The following EPHA6 variants were observed in gnomAD, a reference collection of about 807,000 sequenced individuals.
The protein encoded by EPHA6 is ephrin type-A receptor 6.
In EPHA6, 50 loss-of-function variants were observed where a neutral mutation model predicts 112.0. The ratio of observed to expected loss-of-function variants is 0.45; its 90% confidence interval spans 0.36 to 0.56. The LOEUF (loss-of-function observed/expected upper bound fraction) is 0.56, where lower values mean the gene tolerates loss of function less well. Among genes scored for constraint, EPHA6 ranks in the 20% least tolerant of loss-of-function variants. The probability of loss-of-function intolerance (pLI) is 0.00; values close to 1 mark genes in which losing one functional copy is unlikely to be tolerated. For missense variants in EPHA6, 1,280 were observed against 1,417.4 expected (o/e 0.90, Z 1.56); for synonymous variants, 529 against 490.7 (o/e 1.08, Z -1.03).
chr3:97,041,162 T>C (rs1258635879), intron 3 of EPHA6, among the ~76,000 whole-genome samples: 7 of 152,162 alleles, frequency 4.6e-5, no homozygotes, highest in Non-Finnish European at 1.0e-4. Flanking sequence ...AATCAATTAT[T>C]CCAACTCTGT....
At chr3:97,500,009 C>T (rs1008062791) in intron 10 of EPHA6, among the ~76,000 whole-genome samples, 13 of 152,146 alleles carry the variant, frequency 8.5e-5, no homozygotes, top group African/African-American at 2.2e-4. Context: ...GAATAAAGCA[C>T]GAACACATTG....
chr3:97,037,224 T>G (rs1314630979), intron 3 of EPHA6, among the ~76,000 whole-genome samples: 1 of 151,868 alleles, frequency 6.6e-6, no homozygotes, highest in Non-Finnish European at 1.5e-5. Flanking sequence ...TATTTCAACG[T>G]GGGAAGTATG....
chr3:97,002,329 A>G (rs1166467662), intron 3 of EPHA6, among the ~76,000 whole-genome samples: 1 of 150,782 alleles, frequency 6.6e-6, no homozygotes, highest in African/African-American at 2.4e-5. Flanking sequence ...TTAATATTAT[A>G]TGTATATAAT....
At chr3:97,695,785 T>A (rs886589925) in intron 14 of EPHA6, among the ~76,000 whole-genome samples, 2 of 152,176 alleles carry the variant, frequency 1.3e-5, no homozygotes, top group Non-Finnish European at 2.9e-5. Context: ...GTGATCCACA[T>A]GCTTCGGCCT....
rs187308322 is a variant in EPHA6 at position 97,073,549 on chromosome 3, T to G, written c.1114+85556T>G. Among the ~76,000 whole-genome samples, 182 of 152,234 alleles carry G rather than the reference T, an allele frequency of 1.2e-3. 2 individuals carry two copies. Among genetic ancestry groups the G allele is most frequent in the Admixed American group, 2.8e-3 (43 of 15,258 alleles). ...GAAAGCTAAATCTAATAATTTATGT[T>G]AATACTGTGGCAATCAGTTATTTAA... On this transcript the variant is annotated intron_variant, in intron 3 of 17. Transcript: ENST00000389672.
rs565335551 is a variant in EPHA6, at chr3:96,999,562, G to A, written c.1114+11569G>A. Among the ~76,000 whole-genome samples the A allele has an allele frequency of 2.6e-5, 4 of 152,034 alleles. No homozygotes were observed. The East Asian group carries it at 7.7e-4, about 29-fold the overall frequency. Reference sequence around the variant, plus strand: ...GCTACACATAACACAAATAGAGGGAGTTGCTATTAAATGTTGTTCTTAGCT... The same window carrying A: ...GCTACACATAACACAAATAGAGGGAATTGCTATTAAATGTTGTTCTTAGCT... On this transcript the variant is annotated intron_variant, in intron 3 of 17. Coordinates refer to ENST00000389672, the MANE Select transcript of EPHA6 (RefSeq NM_001080448.3).
chr3:97,301,391 C>A (rs1309356263), intron 5 of EPHA6, among the ~76,000 whole-genome samples: 1 of 152,140 alleles, frequency 6.6e-6, no homozygotes, highest in Non-Finnish European at 1.5e-5. Context: ...TTATTCAATT[C>A]ATTTAACAAA....
intron 11 of EPHA6, chr3:97,559,751 A>G (rs1404890510): frequency 2.5e-6 from 1 of 395,258 alleles, no homozygotes; most frequent in Non-Finnish European, 4.9e-6. Context: ...GCTTGTGCAA[A>G]TCCATTAATG....
At chr3:97,333,355 G>T (rs2082892187) in intron 5 of EPHA6, among the ~76,000 whole-genome samples, 1 of 150,896 alleles carries the variant, frequency 6.6e-6, no homozygotes, top group Non-Finnish European at 1.5e-5. Context: ...CATTTTAGGG[G>T]TTTATTTTTG....
At position 97,169,677 on chromosome 3, in the gene EPHA6, G is replaced by C. The variant is rs116732547; in HGVS notation, c.1115-56587G>C. Among the ~76,000 whole-genome samples, 961 of 152,152 alleles carry C rather than the reference G, an allele frequency of 6.3e-3. 8 individuals carry two copies. The highest frequency in any genetic ancestry group is 0.022 in the African/African-American group (919 of 41,498). On this transcript the variant is annotated intron_variant, in intron 3 of 17. Coordinates refer to ENST00000389672, the MANE Select transcript of EPHA6 (RefSeq NM_001080448.3). ...ATACATATTTGCACAGTAGTGCTTC[G>C]TAAAATGCAGCCATTTATGTATTGA... is the stretch of plus-strand genomic sequence containing the variant.
rs561046016 is a variant in EPHA6, at chr3:97,090,493, A to G, written c.1114+102500A>G. On this transcript the variant is annotated intron_variant, in intron 3 of 17. Coordinates refer to ENST00000389672, the MANE Select transcript of EPHA6 (RefSeq NM_001080448.3). Reference sequence around the variant, plus strand: ...AATGCATTACAATATATTCAGCTCAATAAGTTTGTAAATTATAGCACATAA... The same window carrying G: ...AATGCATTACAATATATTCAGCTCAGTAAGTTTGTAAATTATAGCACATAA... Among the ~76,000 whole-genome samples, 9 of 152,218 alleles carry G rather than the reference A, an allele frequency of 5.9e-5. No homozygotes were observed. In the East Asian group the frequency reaches 1.2e-3, roughly 20 times the overall value.
chr3:96,902,464 T>A (rs889250222), intron 2 of EPHA6, among the ~76,000 whole-genome samples: 4 of 152,190 alleles, frequency 2.6e-5, no homozygotes, highest in Non-Finnish European at 4.4e-5. Context: ...TATTATGGCA[T>A]GCTGCTGTGG....
chr3:97,541,899 A>C lies in EPHA6; in HGVS notation c.2386+9356A>C, dbSNP rs56031202. Among the ~76,000 whole-genome samples, 471 of 151,404 alleles carry C rather than the reference A, an allele frequency of 3.1e-3. 1 individual carries two copies. The highest frequency in any genetic ancestry group is 9.8e-3 in the African/African-American group (404 of 41,382). On this transcript the variant is annotated intron_variant, in intron 11 of 17. Coordinates refer to ENST00000389672, the MANE Select transcript of EPHA6 (RefSeq NM_001080448.3). Reference sequence around the variant, plus strand: ...AATAGGATATATATATATAAAGGGGAGTTAATATTAAGTATTAACTCACAT... The same window carrying C: ...AATAGGATATATATATATAAAGGGGCGTTAATATTAAGTATTAACTCACAT...
At chr3:97,093,863 G>A (rs1442096020) in intron 3 of EPHA6, among the ~76,000 whole-genome samples, 1 of 152,130 alleles carries the variant, frequency 6.6e-6, no homozygotes. Flanking sequence ...TCCCACGGGA[G>A]TAGTAAGACC....
intron 5 of EPHA6, among the ~76,000 whole-genome samples, chr3:97,396,568 A>G (rs1397012389): frequency 1.3e-5 from 2 of 151,598 alleles, no homozygotes; most frequent in Non-Finnish European, 3.0e-5. Context: ...TTTTGAACTC[A>G]TTACACTAAA....
intron 3 of EPHA6, among the ~76,000 whole-genome samples, chr3:97,031,415 G>A (rs996997297): frequency 3.3e-5 from 5 of 152,050 alleles, no homozygotes; most frequent in Non-Finnish European, 7.4e-5. Flanking sequence ...AACACCAAAA[G>A]CAATGGCAAC....
At chr3:97,359,769 T>G (rs1470561258) in intron 5 of EPHA6, among the ~76,000 whole-genome samples, 2 of 152,142 alleles carry the variant, frequency 1.3e-5, no homozygotes, top group African/African-American at 4.8e-5. Context: ...TGGTTTGGGT[T>G]TTATTTTTTT....
intron 1 of EPHA6, among the ~76,000 whole-genome samples, chr3:96,827,348 G>A (rs943365454): frequency 6.6e-6 from 1 of 152,030 alleles, no homozygotes; most frequent in Non-Finnish European, 1.5e-5. Context: ...CCTTAACATT[G>A]AATATTTTTG....
At chr3:97,001,569 T>G (rs2107905253) in intron 3 of EPHA6, among the ~76,000 whole-genome samples, 1 of 152,130 alleles carries the variant, frequency 6.6e-6, no homozygotes, top group Admixed American at 6.6e-5. Context: ...AGTTCTCCAT[T>G]ATGATATTAT....
Sources: allele counts gnomAD v4.1 joint callset (sites outside exome capture counted in the v4.1 genomes callset), GRCh38; gene constraint gnomAD v4.1.1; transcripts MANE v1.5; gene names NCBI Gene and HGNC (gene_info 2026-07-23, HGNC 2026-07-21).